Variants in RPSA2 observed in about 807,000 individuals in gnomAD.
RPSA2 encodes ribosomal protein SA 2.
At chr19:23,825,040 C>G in the RPSA2 span, among the ~76,000 whole-genome samples, 4 of 151,946 alleles carry the variant, frequency 2.6e-5, no homozygotes, top group African/African-American at 7.3e-5. Flanking sequence ...AGTGCAGTGG[C>G]ACAATCTCAG....
the RPSA2 span, among the ~76,000 whole-genome samples, chr19:23,859,725 A>G: frequency 6.6e-6 from 1 of 152,172 alleles, no homozygotes. Context: ...TGGCATGCCC[A>G]TTACAGTAAT....
the RPSA2 span, among the ~76,000 whole-genome samples, chr19:23,854,939 A>G: frequency 1.3e-5 from 2 of 152,308 alleles, no homozygotes; most frequent in African/African-American, 4.8e-5. Flanking sequence ...CGCATTCTCA[A>G]AAGCCAACAT....
At chr19:23,792,589 T>C in the RPSA2 span, among the ~76,000 whole-genome samples, 1 of 6,922 alleles carries the variant, frequency 1.4e-4, no homozygotes, top group Non-Finnish European at 1.2e-3. Flanking sequence ...GTTTTTGTTT[T>C]TGTTTTTTTT....
At chr19:23,862,728 T>G in the RPSA2 span, among the ~76,000 whole-genome samples, 1 of 150,598 alleles carries the variant, frequency 6.6e-6, no homozygotes, top group Admixed American at 6.7e-5. Context: ...GAATCCCAGG[T>G]GCACATGTAC....
chr19:23,863,492 A>C, the RPSA2 span, among the ~76,000 whole-genome samples: 1 of 146,400 alleles, frequency 6.8e-6, no homozygotes, highest in Non-Finnish European at 1.5e-5. Context: ...TGAACTCAGG[A>C]GGTGGGTGTT....
At chr19:23,863,472 G>A in the RPSA2 span, among the ~76,000 whole-genome samples, 6 of 149,356 alleles carry the variant, frequency 4.0e-5, no homozygotes, top group African/African-American at 1.5e-4. Flanking sequence ...GCTGAGGCAA[G>A]AGAATCGCTT....
chr19:23,832,461 A>T, the RPSA2 span: 4 of 487,242 alleles, frequency 8.2e-6, no homozygotes, highest in Non-Finnish European at 1.6e-5. Context: ...TACACACTGG[A>T]GAGAAACCCA....
At chr19:23,758,659 G>A in the RPSA2 span, 14 of 1,605,438 alleles carry the variant, frequency 8.7e-6, no homozygotes, top group Non-Finnish European at 1.1e-5. Flanking sequence ...AGAACTCAGG[G>A]CGCAAATTGT....
chr19:23,788,219 T>G, the RPSA2 span, among the ~76,000 whole-genome samples: 1 of 144,680 alleles, frequency 6.9e-6, no homozygotes, highest in African/African-American at 2.6e-5. Flanking sequence ...CTGTAGTGAT[T>G]GTGCCATATA....
chr19:23,781,333 A>G, the RPSA2 span, among the ~76,000 whole-genome samples: 2 of 151,936 alleles, frequency 1.3e-5, no homozygotes, highest in South Asian at 4.2e-4. Context: ...CTCACTAAGG[A>G]GAATAATTTA....
At chr19:23,832,591 A>G in the RPSA2 span, 1 of 1,228,180 alleles carries the variant, frequency 8.1e-7, no homozygotes, top group Admixed American at 2.3e-5. Context: ...GCCAGTCCCC[A>G]TACCTTACTA....
chr19:23,826,225 A>T, the RPSA2 span, among the ~76,000 whole-genome samples: 3 of 149,672 alleles, frequency 2.0e-5, no homozygotes, highest in African/African-American at 2.5e-5. Context: ...CTGGAGTCTT[A>T]CTCTGCTACT....
chr19:23,788,693 A>G, the RPSA2 span, among the ~76,000 whole-genome samples: 2 of 152,072 alleles, frequency 1.3e-5, no homozygotes, highest in Non-Finnish European at 2.9e-5. Context: ...AGATGATGTA[A>G]CTCGTATTTT....
At chr19:23,773,712 C>T in the RPSA2 span, among the ~76,000 whole-genome samples, 6 of 152,188 alleles carry the variant, frequency 3.9e-5, no homozygotes, top group Non-Finnish European at 8.8e-5. Context: ...AATTGACTCT[C>T]ATATGTGGAT....
chr19:23,773,063 C>T, the RPSA2 span, among the ~76,000 whole-genome samples: 1 of 145,402 alleles, frequency 6.9e-6, no homozygotes, highest in Non-Finnish European at 1.5e-5. Flanking sequence ...GTCTGAGACT[C>T]CGTCTCCTCC....
the RPSA2 span, among the ~76,000 whole-genome samples, chr19:23,770,922 A>T: frequency 6.6e-6 from 1 of 152,276 alleles, no homozygotes; most frequent in Non-Finnish European, 1.5e-5. Flanking sequence ...TGGGATTGTG[A>T]TGCATATCTT....
chr19:23,798,663 TTA>T, the RPSA2 span, among the ~76,000 whole-genome samples: 1 of 152,196 alleles, frequency 6.6e-6, no homozygotes. Context: ...ACTTACATAT[TTA>T]TATCTAATAT....
chr19:23,844,991 G>C, the RPSA2 span, among the ~76,000 whole-genome samples: 1 of 147,946 alleles, frequency 6.8e-6, no homozygotes, highest in Non-Finnish European at 1.5e-5. Flanking sequence ...CTCTATCTTG[G>C]GAGGTTGTAT....
chr19:23,868,949 C>G, the RPSA2 span, among the ~76,000 whole-genome samples: 7,319 of 152,088 alleles, frequency 0.048, 325 homozygotes, highest in South Asian at 0.08. Flanking sequence ...GGGGGACACT[C>G]AAGAAAACCA....
Sources: allele counts gnomAD v4.1 joint callset (sites outside exome capture counted in the v4.1 genomes callset), GRCh38; gene constraint gnomAD v4.1.1; transcripts MANE v1.5; gene names NCBI Gene and HGNC (gene_info 2026-07-23, HGNC 2026-07-21).